Variants in LRP2 observed in about 807,000 individuals in gnomAD.
LRP2 encodes low-density lipoprotein receptor-related protein 2.
Under a neutral mutation model 531.0 loss-of-function variants are expected in LRP2, and 172 were observed. The observed-to-expected ratio is 0.32, with a 90% CI of 0.29 to 0.37. LRP2 has a LOEUF of 0.37. Ranked by LOEUF, LRP2 falls within the 10% of genes least tolerant of loss-of-function variation. The pLI, the probability that LRP2 is intolerant of heterozygous loss-of-function variation, is 1.00. For synonymous variants in LRP2, 1,992 were observed against 2,027.6 expected (o/e 0.98, Z 0.47); for missense variants, 5,167 against 5,868.3 (o/e 0.88, Z 3.90).
chr2:169,154,381 T>C, intron 66 of LRP2, 79 bp downstream of exon 66: 4 of 1,346,058 alleles, frequency 3.0e-6, no homozygotes, highest in Non-Finnish European at 3.2e-6. Context: ...CATTAAACAA[T>C]AAATTCCTTA....
intron 16 of LRP2, 39 bp from the exon 17 acceptor site, chr2:169,259,256 A>AT (rs1475381449): frequency 6.6e-7 from 1 of 1,505,452 alleles, no homozygotes; most frequent in East Asian, 2.3e-5. Context: ...AGCTAAGTAT[A>AT]TTTTGTAAGG....
chr2:169,270,805 A>T, intron 16 of LRP2, 99 bp downstream of exon 16: 19 of 561,692 alleles, frequency 3.4e-5, no homozygotes, highest in Non-Finnish European at 5.7e-5. Context: ...ACTGCTTAAA[A>T]ATTAGATACT....
chr2:169,140,443 A>T lies in LRP2; in HGVS notation c.13199+12T>A. On this transcript the variant is annotated intron_variant, in intron 72 of 78. Transcript: ENST00000649046. ...CAAGGCCTATAGCTGGGACCTCAAC[A>T]TTCAGACTTACTTGCATTTGGGGAG... 6.2e-7 allele frequency: 1 copy of T among 1,611,106 alleles called. No individual in the cohort carries two copies. Among genetic ancestry groups the T allele is most frequent in the Non-Finnish European group, 8.5e-7 (1 of 1,177,202 alleles).
At chr2:169,361,756 C>T (rs779084325) in intron 1 of LRP2, among the ~76,000 whole-genome samples, 3 of 152,226 alleles carry the variant, frequency 2.0e-5, no homozygotes, top group Non-Finnish European at 4.4e-5. Flanking sequence ...CTCGGCCAAT[C>T]CCACCTCCCG....
intron 59 of LRP2, 21 bp downstream of exon 59, chr2:169,170,530 A>G (rs776617970): frequency 1.3e-6 from 2 of 1,584,210 alleles, no homozygotes; most frequent in South Asian, 1.1e-5. Context: ...TTCTATGGTA[A>G]GCTTCTCAAA....
rs748097890 is a variant in LRP2, at chr2:169,241,166, G to T, written c.3867C>A (p.Leu1289=). ...DNGNCIHRAW[L]CDRDNDCGDM... is the part of the protein sequence containing the mutation. ...CCCCGCAGTCATTGTCCCGATCACA[G>T]AGCCATGCCCTGTGGATGCAGTTTC... Residue 1289 remains leucine (L), a synonymous_variant, in exon 25 of 79, where the codon CTC becomes CTA. Transcript: ENST00000649046. 6.2e-7 allele frequency: 1 copy of T among 1,614,202 alleles called. No individual in the cohort carries two copies. The highest frequency in any genetic ancestry group is 1.7e-5 in the Admixed American group (1 of 60,028).
intron 21 of LRP2, among the ~76,000 whole-genome samples, chr2:169,245,246 G>T (rs1217758535): frequency 6.6e-6 from 1 of 152,198 alleles, no homozygotes; most frequent in African/African-American, 2.4e-5. Context: ...GAGTCTTTGA[G>T]AGATTTAGGA....
intron 3 of LRP2, among the ~76,000 whole-genome samples, chr2:169,318,426 A>G (rs1684824370): frequency 6.6e-6 from 1 of 152,202 alleles, no homozygotes; most frequent in Admixed American, 6.5e-5. Context: ...CCACAGAGCC[A>G]AAGGACTCAT....
chr2:169,287,297 G>A (rs1683884623), intron 9 of LRP2, among the ~76,000 whole-genome samples: 1 of 151,992 alleles, frequency 6.6e-6, no homozygotes. Context: ...AAATTTGGGG[G>A]CCTTCTTAAA....
At chr2:169,313,777 C>T (rs151072845) in intron 3 of LRP2, among the ~76,000 whole-genome samples, 17 of 152,272 alleles carry the variant, frequency 1.1e-4, no homozygotes, top group African/African-American at 3.6e-4. Flanking sequence ...ATGTTGCTCA[C>T]GCTGGGAGCT....
chr2:169,289,257 A>C (rs1204955914), intron 8 of LRP2, 112 bp from the exon 9 acceptor site: 2 of 1,390,350 alleles, frequency 1.4e-6, no homozygotes, highest in African/African-American at 2.8e-5. Flanking sequence ...AAGTAGATGT[A>C]CAGAAAAATC....
chr2:169,182,764 A>T, intron 50 of LRP2: 1 of 313,610 alleles, frequency 3.2e-6, no homozygotes, highest in Non-Finnish European at 4.6e-6. Flanking sequence ...GACATTCTTA[A>T]GATAAAGATT....
At position 169,203,006 on chromosome 2, in the gene LRP2, C is replaced by G. The variant is rs111811756; in HGVS notation, c.8006-47G>C. On this transcript the variant is annotated intron_variant, in intron 42 of 78. Transcript: ENST00000649046. ...AGAAGTAAAAGATGGATGCAGCCAC[C>G]GTTCACATTGACCCCTCCACAATAG... The G allele has an allele frequency of 0.032, 48,720 of 1,520,656 alleles. 954 individuals carry two copies. The highest frequency in any genetic ancestry group is 0.036 in the Non-Finnish European group (39,102 of 1,097,190). 94.2% of individuals were successfully genotyped at this position (1,520,656 alleles called of 1,614,324 possible). A position where few individuals can be genotyped will look rare whatever the true frequency, so the allele number is the denominator to read the frequency against.
rs1371399151 is a variant in LRP2 at position 169,127,175 on chromosome 2, A to G, written c.*1488T>C. The G allele has an allele frequency of 6.6e-6, 1 of 152,648 alleles. No homozygotes were observed. The highest frequency in any genetic ancestry group is 1.9e-4 in the East Asian group (1 of 5,198). The allele number at this position is 152,648 out of a possible 1,614,324, so 9.5% of individuals were successfully genotyped here. On this transcript the variant is annotated 3_prime_UTR_variant, in exon 79 of 79. Transcript: ENST00000649046. ...TATTTCCAGTTGTTTATCTAATCAA[A>G]GTAATTACAGTCAGCACTCAAAATA...
chr2:169,178,121 A>G, intron 52 of LRP2, 95 bp from the exon 53 acceptor site: 1 of 913,930 alleles, frequency 1.1e-6, no homozygotes, highest in South Asian at 1.4e-5. Flanking sequence ...ATAAAATTCT[A>G]CCTCCTAGAG....
rs1683520345 is a variant in LRP2, at chr2:169,275,202, A to G, written c.1809T>C (p.His603=). 2 of 1,613,772 alleles carry G rather than the reference A, an allele frequency of 1.2e-6. No individual in the cohort carries two copies. The highest frequency in any genetic ancestry group is 2.7e-5 in the African/African-American group (2 of 75,030). ...CTTCAAATAAGCTTACTCCAAAGGG[A>G]TGAGGAATGAGGGAGCCTCCATGAA... The part of the protein sequence containing the change: ...TVVHGGSLIP[H]PFGVSLFEGQ... Residue 603 remains histidine (H), a synonymous_variant, in exon 14 of 79, where the codon CAT becomes CAC. Coordinates refer to ENST00000649046, the MANE Select transcript of LRP2 (RefSeq NM_004525.3).
In LRP2 at chr2:169,206,170, C is replaced by T. The variant is rs867478261; in HGVS notation, c.7409G>A (p.Gly2470Asp). ...VIASGIGTAD[G>D]IAFDWITRRI... is the part of the protein sequence containing the mutation. ...TCTAGTAATCCAGTCAAAGGCAATGCCATCAGCAGTCCCTATACCTGGACA... is the reference window on the plus strand; with the variant it reads ...TCTAGTAATCCAGTCAAAGGCAATGTCATCAGCAGTCCCTATACCTGGACA... Residue 2470 changes from glycine to aspartate, a missense_variant, in exon 40 of 79, where the codon GGC becomes GAC. Transcript: ENST00000649046. 2 of 1,614,154 alleles carry T rather than the reference C, an allele frequency of 1.2e-6. No individual in the cohort carries two copies. The highest frequency in any genetic ancestry group is 1.7e-6 in the Non-Finnish European group (2 of 1,180,022).
intron 1 of LRP2, among the ~76,000 whole-genome samples, chr2:169,330,357 T>G (rs551772221): frequency 6.6e-6 from 1 of 152,318 alleles, no homozygotes; most frequent in East Asian, 1.9e-4. Context: ...CAGAATGAGA[T>G]GTACTACTTG....
intron 19 of LRP2, among the ~76,000 whole-genome samples, chr2:169,255,549 C>G (rs1383716449): frequency 6.6e-6 from 1 of 152,094 alleles, no homozygotes; most frequent in Non-Finnish European, 1.5e-5. Context: ...TCTTGCTGTT[C>G]TTCATAAAGC....
Sources: gnomAD v4.1 joint callset for allele counts (sites outside exome capture counted in the v4.1 genomes callset) on GRCh38, gnomAD v4.1.1 for gene constraint, MANE v1.5 for transcripts, NCBI Gene and HGNC (gene_info 2026-07-23, HGNC 2026-07-21) for gene names.